FBXO32: variants seen among roughly 807,000 people sequenced by gnomAD.
The protein encoded by FBXO32 is F-box protein 32.
In FBXO32, 15 loss-of-function variants were observed where a neutral mutation model predicts 48.3. That is an observed-to-expected ratio of 0.31 (90% CI 0.21 to 0.48). The LOEUF (loss-of-function observed/expected upper bound fraction) is 0.48, where lower values mean the gene tolerates loss of function less well. FBXO32 is among the 20% of genes least tolerant of loss of function. FBXO32 has a pLI of 0.99. For synonymous variants in FBXO32, 154 were observed against 165.9 expected, an observed-to-expected ratio of 0.93 and a Z score of 0.55; for missense variants, 309 against 432.7, an observed-to-expected ratio of 0.71 and a Z score of 2.54.
At chr8:123,516,365 A>G (rs969892267) in intron 4 of FBXO32, among the ~76,000 whole-genome samples, 2 of 152,150 alleles carry the variant, frequency 1.3e-5, no homozygotes, top group Non-Finnish European at 2.9e-5. Flanking sequence ...CCTCCTTTAC[A>G]CTGAAGCTAG....
chr8:123,506,660 G>C lies in FBXO32; in HGVS notation c.652-86C>G. The C allele has an allele frequency of 8.5e-7, 1 of 1,175,938 alleles. No individual in the cohort carries two copies. The highest frequency in any genetic ancestry group is 1.2e-6 in the Non-Finnish European group (1 of 827,100). The allele number at this position is 1,175,938 out of a possible 1,614,324, so 72.8% of individuals were successfully genotyped here. On this transcript the variant is annotated intron_variant, in intron 6 of 8. Transcript: ENST00000517956. This position sits in a 1 kb window ranked among gnomAD's most constrained non-coding sequence, Gnocchi z 4.0. ...ACCCTCCAGGCATGCAGCTGTGCCC[G>C]TCCTCCACCCTCAAGGCAGTTTATT...
chr8:123,506,624 C>T lies in FBXO32; in HGVS notation c.652-50G>A, dbSNP rs765500088. 1 of 1,460,494 alleles carries T rather than the reference C, an allele frequency of 6.8e-7. No individual in the cohort carries two copies. The highest frequency in any genetic ancestry group is 9.3e-7 in the Non-Finnish European group (1 of 1,069,704). The allele number at this position is 1,460,494 out of a possible 1,614,324, so 90.5% of individuals were successfully genotyped here. ...GTGGGGGGGCCAGAGAGCAGCGATT[C>T]ACCAGGCCACACCCTCCAGGCATGC... On this transcript the variant is annotated intron_variant, in intron 6 of 8. Transcript: ENST00000517956. This position sits in a 1 kb window ranked among gnomAD's most constrained non-coding sequence, Gnocchi z 4.0.
intron 4 of FBXO32, among the ~76,000 whole-genome samples, chr8:123,531,004 AGTCTCACTCCTGT>A: frequency 2.1e-5 from 2 of 96,726 alleles, no homozygotes; most frequent in Non-Finnish European, 3.8e-5. Context: ...TTTTACATGG[AGTCTCACTCCTGT>A]TGCCCAGGCT....
intron 4 of FBXO32, among the ~76,000 whole-genome samples, chr8:123,519,978 G>A (rs192986457): frequency 1.4e-4 from 22 of 152,266 alleles, no homozygotes; most frequent in Admixed American, 5.9e-4. Context: ...AGTAGAGATC[G>A]AGTTTCACCA....
At chr8:123,512,278 A>G (rs1050454874) in intron 6 of FBXO32, among the ~76,000 whole-genome samples, 2 of 152,182 alleles carry the variant, frequency 1.3e-5, no homozygotes, top group Admixed American at 1.3e-4. Context: ...AGACGTAATT[A>G]CCAGTAAAGT....
chr8:123,521,711 A>G (rs914450141), intron 4 of FBXO32, among the ~76,000 whole-genome samples: 2 of 152,090 alleles, frequency 1.3e-5, no homozygotes, highest in African/African-American at 4.8e-5. Context: ...CTTATCTCGT[A>G]TAACAGTGGG....
chr8:123,528,104 G>A (rs1047268103), intron 4 of FBXO32, among the ~76,000 whole-genome samples: 1 of 152,228 alleles, frequency 6.6e-6, no homozygotes, highest in Non-Finnish European at 1.5e-5. Context: ...TTTAAAAGTA[G>A]CAATGCCTGG....
chr8:123,537,959 C>T (rs926719780), intron 1 of FBXO32, among the ~76,000 whole-genome samples: 1 of 152,042 alleles, frequency 6.6e-6, no homozygotes, highest in African/African-American at 2.4e-5. Flanking sequence ...GAAGGCTGTG[C>T]GGGTGCCTGA....
chr8:123,528,157 C>T (rs1817126167), intron 4 of FBXO32, among the ~76,000 whole-genome samples: 1 of 152,230 alleles, frequency 6.6e-6, no homozygotes, highest in South Asian at 2.1e-4. Context: ...CAGAGGTGGG[C>T]TTCTGTAGTC....
At chr8:123,510,623 T>C (rs1342064151) in intron 6 of FBXO32, among the ~76,000 whole-genome samples, 1 of 151,908 alleles carries the variant, frequency 6.6e-6, no homozygotes, top group African/African-American at 2.4e-5. Flanking sequence ...AAAGAAATCC[T>C]ACAGCTGGTA....
At position 123,513,026 on chromosome 8, in the gene FBXO32, A is replaced by C. The variant is rs1289820159; in HGVS notation, c.651+172T>G. 3.3e-5 allele frequency among the ~76,000 whole-genome samples: 5 copies of C among 152,072 alleles called. No homozygotes were observed. The highest frequency in any genetic ancestry group is 1.2e-4 in the African/African-American group (5 of 41,398). ...CCCGTTTTGCCAAGTTTTTCTTCCCACTTCCCTTTATCAGGAGGTCCCCCA... is the reference window on the plus strand; with the variant it reads ...CCCGTTTTGCCAAGTTTTTCTTCCCCCTTCCCTTTATCAGGAGGTCCCCCA... On this transcript the variant is annotated intron_variant, in intron 6 of 8. Transcript: ENST00000517956. This position sits in a 1 kb window ranked among gnomAD's most constrained non-coding sequence, Gnocchi z 4.3.
chr8:123,503,386 A>G lies in FBXO32; in HGVS notation c.1055T>C (p.Leu352Ser). 1.2e-6 allele frequency: 2 copies of G among 1,614,140 alleles called. No homozygotes were observed. The highest frequency in any genetic ancestry group is 1.7e-6 in the Non-Finnish European group (2 of 1,179,984). ...ATGTGCTGGGATTCAGAACTTGAACAAGTTGATAAAGTCCTGGGGTGAAAG... is the reference window on the plus strand; with the variant it reads ...ATGTGCTGGGATTCAGAACTTGAACGAGTTGATAAAGTCCTGGGGTGAAAG... ...VSLSPQDFIN[L>S]FKF Residue 352 changes from leucine (L) to serine (S), a missense_variant, in exon 9 of 9, where the codon TTG becomes TCG. Physicochemically the swap from Leu to Ser is moderately radical, Grantham distance 145. Coordinates refer to ENST00000517956, the MANE Select transcript of FBXO32 (RefSeq NM_058229.4).
chr8:123,504,950 A>G (rs777059659), intron 7 of FBXO32, among the ~76,000 whole-genome samples: 1 of 148,540 alleles, frequency 6.7e-6, no homozygotes, highest in African/African-American at 2.6e-5. Flanking sequence ...CAAGCTTAAA[A>G]AACAACAACA....
At chr8:123,531,822 C>A in intron 4 of FBXO32, 76 bp downstream of exon 4, 1 of 1,556,308 alleles carries the variant, frequency 6.4e-7, no homozygotes, top group East Asian at 2.3e-5. Flanking sequence ...TTTGGGGAAA[C>A]TACTTCAAGA....
intron 6 of FBXO32, among the ~76,000 whole-genome samples, chr8:123,508,083 G>A (rs1018244577): frequency 2.6e-5 from 4 of 152,036 alleles, no homozygotes; most frequent in African/African-American, 9.7e-5. Flanking sequence ...TCTTGATTTT[G>A]GACTACTCAC....
chr8:123,535,754 C>T (rs1817297253), intron 1 of FBXO32, among the ~76,000 whole-genome samples: 1 of 151,662 alleles, frequency 6.6e-6, no homozygotes, highest in African/African-American at 2.4e-5. Flanking sequence ...AGATAGGTTC[C>T]CTAACTCCCT....
At position 123,501,483 on chromosome 8, in the gene FBXO32, A is replaced by T. The variant is rs1337654870; in HGVS notation, c.*1890T>A. The T allele has an allele frequency of 2.6e-5, 4 of 152,226 alleles. No homozygotes were observed. The highest frequency in any genetic ancestry group is 1.3e-4 in the Admixed American group (2 of 15,272). The allele number at this position is 152,226 out of a possible 1,614,324, so 9.4% of individuals were successfully genotyped here. A position where few individuals can be genotyped will look rare whatever the true frequency, so the allele number is the denominator to read the frequency against. On this transcript the variant is annotated 3_prime_UTR_variant, in exon 9 of 9. Transcript: ENST00000517956. Reference sequence around the variant, plus strand: ...TATTCTTTCATATTTAATTTCTCTTATTAGGGAAAATTTAAATTCAATGTA... The same window carrying T: ...TATTCTTTCATATTTAATTTCTCTTTTTAGGGAAAATTTAAATTCAATGTA...
chr8:123,530,781 AT>A (rs920495665), intron 4 of FBXO32, among the ~76,000 whole-genome samples: 5 of 147,330 alleles, frequency 3.4e-5, no homozygotes, highest in East Asian at 2.0e-4. Flanking sequence ...CACCTGGATA[AT>A]TTTTTTTTGT....
Position 123,513,142 on chromosome 8 carries a change from C to T in FBXO32, c.651+56G>A. 1 of 1,567,292 alleles carries T rather than the reference C, an allele frequency of 6.4e-7. No homozygotes were observed. The highest frequency in any genetic ancestry group is 1.1e-5 in the South Asian group (1 of 89,228). On this transcript the variant is annotated intron_variant, in intron 6 of 8. Coordinates refer to ENST00000517956, the MANE Select transcript of FBXO32 (RefSeq NM_058229.4). This position sits in a 1 kb window ranked among gnomAD's most constrained non-coding sequence, Gnocchi z 4.3. Reference sequence around the variant, plus strand: ...GAATTCAAAGTCTTGGCGAGTCTGTCCAGTATCCCTGTGGAGGGACCCACT... The same window carrying T: ...GAATTCAAAGTCTTGGCGAGTCTGTTCAGTATCCCTGTGGAGGGACCCACT...
Sources: gnomAD v4.1 joint callset for allele counts (sites outside exome capture counted in the v4.1 genomes callset) on GRCh38, gnomAD v4.1.1 for gene constraint, Gnocchi (gnomAD v3.1) non-coding constraint, MANE v1.5 for transcripts, NCBI Gene and HGNC (gene_info 2026-07-23, HGNC 2026-07-21) for gene names.